CNBD1: variants seen among roughly 807,000 people sequenced by gnomAD.
The protein encoded by CNBD1 is cyclic nucleotide-binding domain-containing protein 1.
CNBD1 carries 71 observed loss-of-function variants against 54.4 expected under a neutral mutation model. The observed-to-expected ratio is 1.30, with a 90% confidence interval of 1.08 to 1.59. The LOEUF (loss-of-function observed/expected upper bound fraction) is 1.59, where lower values mean the gene tolerates loss of function less well. Among genes scored for constraint, CNBD1 ranks in the 40% most tolerant of loss-of-function variants. CNBD1 has a pLI of 0.00. For missense variants in CNBD1, 659 were observed against 518.0 expected, an observed-to-expected ratio of 1.27 and a Z score of -2.64; for synonymous variants, 182 against 170.7, an observed-to-expected ratio of 1.07 and a Z score of -0.51.
intron 2 of CNBD1, among the ~76,000 whole-genome samples, chr8:87,399,589 C>G (rs1294859603): frequency 1.3e-5 from 2 of 151,964 alleles, no homozygotes; most frequent in African/African-American, 4.8e-5. Context: ...GCCAAAAGTT[C>G]AATCAAATGA....
chr8:87,393,961 A>G (rs985242896), intron 2 of CNBD1, among the ~76,000 whole-genome samples: 31 of 151,978 alleles, frequency 2.0e-4, no homozygotes, highest in Non-Finnish European at 2.1e-4. Flanking sequence ...CAAGAGCACA[A>G]TATGTAATGC....
At chr8:87,150,071 G>A (rs2081192425) in intron 4 of CNBD1, among the ~76,000 whole-genome samples, 1 of 152,100 alleles carries the variant, frequency 6.6e-6, no homozygotes, top group South Asian at 2.1e-4. Context: ...CAGCTACTGG[G>A]GAGTCTGAGG....
intron 4 of CNBD1, among the ~76,000 whole-genome samples, chr8:86,977,572 G>T (rs901021222): frequency 2.0e-5 from 3 of 152,040 alleles, no homozygotes; most frequent in Non-Finnish European, 4.4e-5. Context: ...GAAGTAAAGA[G>T]AATTAATTTA....
intron 8 of CNBD1, among the ~76,000 whole-genome samples, chr8:87,344,910 G>T (rs62526806): frequency 0.044 from 6,619 of 152,136 alleles, 187 homozygotes; most frequent in Non-Finnish European, 0.06. Context: ...ATATTTAAAT[G>T]GACAGTTACC....
chr8:87,391,241 TA>T lies in CNBD1; in HGVS notation c.214-37297del, dbSNP rs111871869. ...ATGTACCCTAAAACTTAAAGTATAA[TA>T]AAAAAAAGAAATTTCAAATAAAAAA... On this transcript the variant is annotated intron_variant, in intron 2 of 7. Coordinates refer to the CNBD1 transcript ENST00000521593. Among the ~76,000 whole-genome samples the T allele has an allele frequency of 5.2e-3, 783 of 151,564 alleles. 6 individuals are homozygous for T. The highest frequency in any genetic ancestry group is 0.018 in the African/African-American group (730 of 41,316).
chr8:87,045,834 C>T (rs34584589), intron 4 of CNBD1, among the ~76,000 whole-genome samples: 1 of 150,398 alleles, frequency 6.6e-6, no homozygotes, highest in Non-Finnish European at 1.5e-5. Flanking sequence ...GAGGTCAGGA[C>T]ATTGAGACCA....
At chr8:87,131,189 G>T (rs1291250588) in intron 4 of CNBD1, among the ~76,000 whole-genome samples, 1 of 151,274 alleles carries the variant, frequency 6.6e-6, no homozygotes, top group Non-Finnish European at 1.5e-5. Flanking sequence ...TGAAATTTTC[G>T]TGTGCTTGGA....
chr8:86,866,474 T>C lies in CNBD1; in HGVS notation c.-22T>C, dbSNP rs1431425381. On this transcript the variant is annotated 5_prime_UTR_variant, in exon 1 of 11. Transcript: ENST00000518476. ...GCCTCTCAAGCAGCCTCTGGTCATC[T>C]ATCTGCCTTTGAGCCATCAAGATGC... The C allele has an allele frequency of 1.3e-6, 2 of 1,589,650 alleles. No individual in the cohort carries two copies. The highest frequency in any genetic ancestry group is 1.7e-5 in the Admixed American group (1 of 58,386).
At chr8:87,307,574 C>T (rs747698741) in intron 8 of CNBD1, among the ~76,000 whole-genome samples, 10 of 151,892 alleles carry the variant, frequency 6.6e-5, no homozygotes, top group Non-Finnish European at 1.5e-4. Context: ...GTCATCTCTA[C>T]TAAAAATACA....
At chr8:87,271,253 TC>T (rs1246195678) in intron 6 of CNBD1, among the ~76,000 whole-genome samples, 1 of 152,030 alleles carries the variant, frequency 6.6e-6, no homozygotes, top group Admixed American at 6.6e-5. Flanking sequence ...ATATTTTTTT[TC>T]AGTCTCAATT....
At chr8:87,159,374 A>T (rs1351469856) in intron 4 of CNBD1, among the ~76,000 whole-genome samples, 1 of 152,120 alleles carries the variant, frequency 6.6e-6, no homozygotes. Context: ...GCTGATTCAG[A>T]TATTCTTCTA....
intron 8 of CNBD1, among the ~76,000 whole-genome samples, chr8:87,327,644 C>A (rs529799537): frequency 6.6e-6 from 1 of 152,308 alleles, no homozygotes; most frequent in South Asian, 2.1e-4. Flanking sequence ...TGAGGCAGTG[C>A]CTCGCCCTGC....
chr8:86,890,148 T>G (rs7816838), intron 2 of CNBD1, among the ~76,000 whole-genome samples: 1 of 151,876 alleles, frequency 6.6e-6, no homozygotes, highest in African/African-American at 2.4e-5. Context: ...ACAATACATT[T>G]TTATTAACTT....
chr8:86,973,445 G>A (rs1808270070), intron 4 of CNBD1, among the ~76,000 whole-genome samples: 1 of 152,168 alleles, frequency 6.6e-6, no homozygotes, highest in Non-Finnish European at 1.5e-5. Context: ...TGTAAAGGAT[G>A]TGGCCTTGTC....
chr8:87,354,330 A>C (rs1228263008), intron 10 of CNBD1, among the ~76,000 whole-genome samples: 1 of 152,120 alleles, frequency 6.6e-6, no homozygotes. Flanking sequence ...GTAAGCATTC[A>C]GGGGTACTTG....
chr8:87,060,473 C>T (rs1810518239), intron 4 of CNBD1, among the ~76,000 whole-genome samples: 1 of 152,162 alleles, frequency 6.6e-6, no homozygotes, highest in African/African-American at 2.4e-5. Flanking sequence ...TATTACAAAA[C>T]ATCACAAATT....
chr8:87,329,363 C>A (rs113705200), intron 8 of CNBD1, among the ~76,000 whole-genome samples: 1 of 152,158 alleles, frequency 6.6e-6, no homozygotes, highest in African/African-American at 2.4e-5. Flanking sequence ...TGTTCTTCTT[C>A]AATATTGTAT....
intron 5 of CNBD1, among the ~76,000 whole-genome samples, chr8:87,216,650 G>A (rs573036223): frequency 6.6e-6 from 1 of 152,086 alleles, no homozygotes; most frequent in African/African-American, 2.4e-5. Flanking sequence ...TTATGTTTGA[G>A]GACTCTGAGT....
intron 4 of CNBD1, among the ~76,000 whole-genome samples, chr8:87,145,131 T>C (rs2130742544): frequency 6.6e-6 from 1 of 152,288 alleles, no homozygotes; most frequent in Non-Finnish European, 1.5e-5. Flanking sequence ...AAGAAATTTT[T>C]ATTTAGGTGC....
Sources: gnomAD v4.1 joint callset for allele counts (sites outside exome capture counted in the v4.1 genomes callset) on GRCh38, gnomAD v4.1.1 for gene constraint, MANE v1.5 for transcripts, NCBI Gene and HGNC (gene_info 2026-07-23, HGNC 2026-07-21) for gene names.